Variants in ZEB1 observed in about 807,000 individuals in gnomAD.
ZEB1 encodes the protein zinc finger E-box binding homeobox 1, also known as zinc finger E-box-binding homeobox 1.
Under a neutral mutation model 84.9 loss-of-function variants are expected in ZEB1, and 21 were observed. The ratio of observed to expected loss-of-function variants is 0.25; its 90% CI spans 0.18 to 0.36. The LOEUF (loss-of-function observed/expected upper bound fraction) is 0.36, where lower values mean the gene tolerates loss of function less well. Among genes scored for constraint, ZEB1 ranks in the 10% least tolerant of loss-of-function variants. ZEB1 has a pLI of 1.00. For synonymous variants in ZEB1, 420 were observed against 471.1 expected (o/e 0.89, Z 1.41); for missense variants, 1,104 against 1,330.2 (o/e 0.83, Z 2.65).
chr10:31,474,516 A>AT, intron 2 of ZEB1, among the ~76,000 whole-genome samples: 1 of 152,186 alleles, frequency 6.6e-6, no homozygotes, highest in East Asian at 1.9e-4. Flanking sequence ...ATGAGATACC[A>AT]TCTCACACCA....
chr10:31,430,872 ATTAC>A lies in ZEB1; in HGVS notation c.59-30162_59-30159del, dbSNP rs1439865968. 9.4e-4 allele frequency among the ~76,000 whole-genome samples: 143 copies of A among 152,340 alleles called. 2 individuals are homozygous for A. Among genetic ancestry groups the A allele is most frequent in the African/African-American group, 3.4e-3 (140 of 41,590 alleles). ...AATATAAAGTTTACAATTTACAAAA[ATTAC>A]TTCATTTAAATAGCAGTTATTTTTA... On this transcript the variant is annotated intron_variant, in intron 1 of 8. Transcript: ENST00000424869.
intron 4 of ZEB1, 62 bp from the exon 5 acceptor site, chr10:31,510,611 G>A (rs2069809197): frequency 7.0e-7 from 1 of 1,423,892 alleles, no homozygotes; most frequent in Admixed American, 1.7e-5. Flanking sequence ...GGGACTCAGT[G>A]GAAACTTTGG....
chr10:31,374,622 C>T (rs2046282634), intron 1 of ZEB1, among the ~76,000 whole-genome samples: 1 of 151,704 alleles, frequency 6.6e-6, no homozygotes, highest in South Asian at 2.1e-4. Flanking sequence ...AGGGTAGGAA[C>T]AATAAAGTTA....
chr10:31,372,052 A>G (rs2045810076), intron 1 of ZEB1, among the ~76,000 whole-genome samples: 1 of 152,114 alleles, frequency 6.6e-6, no homozygotes, highest in Non-Finnish European at 1.5e-5. Flanking sequence ...CACATAGAAT[A>G]TATGAGAATT....
At chr10:31,489,748 A>G (rs940762872) in intron 2 of ZEB1, among the ~76,000 whole-genome samples, 1 of 151,278 alleles carries the variant, frequency 6.6e-6, no homozygotes, top group Non-Finnish European at 1.5e-5. Flanking sequence ...TCTTTCATGT[A>G]AGTCTTGTTA....
At chr10:31,438,882 A>T (rs1036633873) in intron 1 of ZEB1, among the ~76,000 whole-genome samples, 1 of 152,216 alleles carries the variant, frequency 6.6e-6, no homozygotes. Flanking sequence ...ACACATATAC[A>T]TACGTACATA....
chr10:31,444,890 G>T (rs1322546088), intron 1 of ZEB1, among the ~76,000 whole-genome samples: 1 of 150,610 alleles, frequency 6.6e-6, no homozygotes, highest in Non-Finnish European at 1.5e-5. Flanking sequence ...TTGACTTGGC[G>T]ATGCAGGTTC....
At chr10:31,414,623 A>G (rs1449299133) in intron 1 of ZEB1, among the ~76,000 whole-genome samples, 1 of 152,230 alleles carries the variant, frequency 6.6e-6, no homozygotes, top group Non-Finnish European at 1.5e-5. Flanking sequence ...ATCTGCATTG[A>G]TGACTCAGTG....
chr10:31,403,759 T>C (rs2052485553), intron 1 of ZEB1, among the ~76,000 whole-genome samples: 1 of 152,052 alleles, frequency 6.6e-6, no homozygotes, highest in African/African-American at 2.4e-5. Flanking sequence ...GCTTTCCTTT[T>C]GTAAATTGAT....
At chr10:31,338,760 C>T (rs1303258932) in intron 1 of ZEB1, among the ~76,000 whole-genome samples, 1 of 151,798 alleles carries the variant, frequency 6.6e-6, no homozygotes, top group East Asian at 1.9e-4. Context: ...AGTCTGATTG[C>T]AGATCTACCC....
At chr10:31,384,208 T>G (rs999400000) in intron 1 of ZEB1, among the ~76,000 whole-genome samples, 6 of 152,030 alleles carry the variant, frequency 3.9e-5, no homozygotes, top group African/African-American at 1.4e-4. Context: ...GTTCCTGAGC[T>G]CAAATAATTC....
In ZEB1 at chr10:31,528,211, G is replaced by A. The variant is rs565504535; in HGVS notation, c.*947G>A. 1 of 152,282 alleles carries A rather than the reference G, an allele frequency of 6.6e-6. No homozygotes were observed. The highest frequency in any genetic ancestry group is 2.1e-4 in the South Asian group (1 of 4,828). 9.4% of individuals were successfully genotyped at this position (152,282 alleles called of 1,614,324 possible). ...TCCAATGTGTGGCCTACAATAACTAGCATTTGTTGATTTGTCTCTTGTATC... is the reference window on the plus strand; with the variant it reads ...TCCAATGTGTGGCCTACAATAACTAACATTTGTTGATTTGTCTCTTGTATC... On this transcript the variant is annotated 3_prime_UTR_variant, in exon 9 of 9. Transcript: ENST00000424869.
At chr10:31,512,567 A>G (rs1301033553) in intron 5 of ZEB1, among the ~76,000 whole-genome samples, 1 of 152,094 alleles carries the variant, frequency 6.6e-6, no homozygotes. Flanking sequence ...ACTAACAAGC[A>G]TTTTCAAGTC....
chr10:31,361,950 G>A (rs1178209768), intron 1 of ZEB1, among the ~76,000 whole-genome samples: 8 of 120,774 alleles, frequency 6.6e-5, no homozygotes, highest in Non-Finnish European at 8.7e-5. Context: ...TCCTCGCTTC[G>A]CAGACGGGAC....
In ZEB1 at chr10:31,465,117, G is replaced by A. The variant is rs981618815; in HGVS notation, c.259+3880G>A. On this transcript the variant is annotated intron_variant, in intron 2 of 8. Transcript: ENST00000424869. ...AACTCAAAGGATAAATACCTGAGGG[G>A]ACAGTTAAAAAAGAAATAAATTCAG... 3.9e-5 allele frequency among the ~76,000 whole-genome samples: 6 copies of A among 152,156 alleles called. No homozygotes were observed. In the East Asian group the frequency reaches 1.2e-3, roughly 29 times the overall value.
At chr10:31,363,154 A>T (rs2043680374) in intron 1 of ZEB1, 8 of 1,533,938 alleles carry the variant, frequency 5.2e-6, no homozygotes, top group Non-Finnish European at 7.0e-6. Context: ...CTTGGGCTGC[A>T]TGTCCTCCCC....
chr10:31,441,040 G>C (rs1212583764), intron 1 of ZEB1, among the ~76,000 whole-genome samples: 2 of 152,062 alleles, frequency 1.3e-5, no homozygotes, highest in South Asian at 2.1e-4. Context: ...TTTCTTCACA[G>C]AATTGGAAAA....
chr10:31,441,377 C>G (rs2058961583), intron 1 of ZEB1, among the ~76,000 whole-genome samples: 2 of 152,180 alleles, frequency 1.3e-5, no homozygotes, highest in African/African-American at 4.8e-5. Flanking sequence ...AAACTGGATC[C>G]TTTCCTTACA....
chr10:31,503,763 G>T (rs1368396746), intron 4 of ZEB1, among the ~76,000 whole-genome samples: 1 of 151,780 alleles, frequency 6.6e-6, no homozygotes, highest in African/African-American at 2.4e-5. Context: ...AATACTAACT[G>T]GGATGAAATG....
Sources: allele counts gnomAD v4.1 joint callset (sites outside exome capture counted in the v4.1 genomes callset), GRCh38; gene constraint gnomAD v4.1.1; transcripts MANE v1.5; gene names NCBI Gene and HGNC (gene_info 2026-07-23, HGNC 2026-07-21).